CADM2: variants seen among roughly 807,000 people sequenced by gnomAD.
The protein encoded by CADM2 is immunoglobulin superfamily member 4D.
CADM2 carries 12 observed loss-of-function variants against 49.8 expected under a neutral mutation model. The observed-to-expected ratio is 0.24, with a 90% CI of 0.15 to 0.39. The LOEUF (loss-of-function observed/expected upper bound fraction) is 0.39, where lower values mean the gene tolerates loss of function less well. CADM2 is among the 10% of genes least tolerant of loss of function. CADM2 has a pLI of 1.00. For synonymous variants in CADM2, 214 were observed against 175.4 expected (o/e 1.22, Z -1.74); for missense variants, 378 against 492.3 (o/e 0.77, Z 2.20).
intron 3 of CADM2, among the ~76,000 whole-genome samples, chr3:85,870,851 A>G (rs571444525): frequency 8.5e-5 from 13 of 152,278 alleles, no homozygotes; most frequent in African/African-American, 3.1e-4. Context: ...GATTGAACTA[A>G]TTCACACTCT....
At position 85,726,569 on chromosome 3, in the gene CADM2, C is replaced by A. The variant is rs2067704135; in HGVS notation, c.88+21C>A. The A allele has an allele frequency of 1.9e-6, 3 of 1,582,356 alleles. No individual in the cohort carries two copies. In the Admixed American group the frequency reaches 5.0e-5, roughly 26 times the overall value. On this transcript the variant is annotated intron_variant, in intron 2 of 9. Coordinates refer to ENST00000383699, the MANE Select transcript of CADM2 (RefSeq NM_001167675.2). ...TAAAGGTGAGCTCCTGTTTATTCTG[C>A]ATGAGTCATCATCATTCATTTTTCT...
chr3:85,268,001 T>C (rs1396555650), intron 1 of CADM2, among the ~76,000 whole-genome samples: 8 of 149,484 alleles, frequency 5.4e-5, no homozygotes, highest in African/African-American at 2.0e-4. Context: ...TTGGAGTGTG[T>C]GACTAGTAAA....
At chr3:85,443,921 G>T (rs72907279) in intron 1 of CADM2, among the ~76,000 whole-genome samples, 1 of 151,894 alleles carries the variant, frequency 6.6e-6, no homozygotes, top group Admixed American at 6.6e-5. Context: ...TGTTAGATAG[G>T]TATCTCAGAT....
At chr3:85,383,476 G>A (rs2034014070) in intron 1 of CADM2, among the ~76,000 whole-genome samples, 2 of 139,094 alleles carry the variant, frequency 1.4e-5, no homozygotes, top group Admixed American at 7.1e-5. Context: ...GTGGAAAAAA[G>A]TTAATATAAT....
At chr3:85,418,674 A>G (rs1309199750) in intron 1 of CADM2, among the ~76,000 whole-genome samples, 5 of 152,170 alleles carry the variant, frequency 3.3e-5, no homozygotes, top group Non-Finnish European at 7.3e-5. Flanking sequence ...CAAAAAGTTG[A>G]ATAATTCTTG....
At chr3:85,285,482 C>T (rs937766845) in intron 1 of CADM2, among the ~76,000 whole-genome samples, 3 of 152,038 alleles carry the variant, frequency 2.0e-5, no homozygotes, top group Non-Finnish European at 2.9e-5. Context: ...GAGTTAGAAA[C>T]TAACATGCAA....
chr3:85,138,092 G>T (rs528009055), intron 1 of CADM2, among the ~76,000 whole-genome samples: 1 of 152,054 alleles, frequency 6.6e-6, no homozygotes, highest in Non-Finnish European at 1.5e-5. Context: ...GGACAGAGTC[G>T]ATTTTGGTTA....
At chr3:85,636,262 G>A (rs920615949) in intron 1 of CADM2, among the ~76,000 whole-genome samples, 4 of 152,106 alleles carry the variant, frequency 2.6e-5, no homozygotes, top group African/African-American at 9.7e-5. Flanking sequence ...CAATGACACT[G>A]ATGATCCTGA....
chr3:86,040,682 C>T (rs1432330531), intron 8 of CADM2, among the ~76,000 whole-genome samples: 1 of 152,134 alleles, frequency 6.6e-6, no homozygotes, highest in Non-Finnish European at 1.5e-5. Context: ...AGGAGAACTT[C>T]CCCAATCTAG....
chr3:85,448,521 T>A (rs2037584014), intron 1 of CADM2, among the ~76,000 whole-genome samples: 1 of 152,110 alleles, frequency 6.6e-6, no homozygotes, highest in African/African-American at 2.4e-5. Flanking sequence ...AATACGGCAC[T>A]GTGGCGGTAT....
intron 8 of CADM2, among the ~76,000 whole-genome samples, chr3:86,048,278 C>T (rs1327923189): frequency 1.3e-5 from 2 of 151,556 alleles, no homozygotes; most frequent in African/African-American, 4.8e-5. Flanking sequence ...ATATGTACAG[C>T]CTTTTGAAAG....
chr3:85,786,836 G>C (rs574881121), intron 2 of CADM2, among the ~76,000 whole-genome samples: 1 of 152,042 alleles, frequency 6.6e-6, no homozygotes, highest in African/African-American at 2.4e-5. Flanking sequence ...AAAAACTCTG[G>C]TTTTGGAAAA....
intron 1 of CADM2, among the ~76,000 whole-genome samples, chr3:85,335,341 AT>A (rs1255995549): frequency 1.3e-5 from 2 of 151,408 alleles, no homozygotes; most frequent in African/African-American, 2.4e-5. Context: ...TAAACACTTT[AT>A]TTGATTTTAA....
At chr3:85,398,946 G>A (rs1181664383) in intron 1 of CADM2, among the ~76,000 whole-genome samples, 2 of 152,146 alleles carry the variant, frequency 1.3e-5, no homozygotes, top group Non-Finnish European at 2.9e-5. Flanking sequence ...CTCCCATTCT[G>A]TAGACTGCCT....
intron 1 of CADM2, among the ~76,000 whole-genome samples, chr3:85,315,503 A>T (rs9990317): frequency 1.1e-3 from 172 of 151,976 alleles, no homozygotes; most frequent in African/African-American, 3.9e-3. Context: ...GTTTAAGCAT[A>T]AAAAAAACTG....
chr3:85,001,503 T>C (rs2033461113), intron 1 of CADM2, among the ~76,000 whole-genome samples: 1 of 152,078 alleles, frequency 6.6e-6, no homozygotes, highest in African/African-American at 2.4e-5. Flanking sequence ...CAACAAAATC[T>C]TTTTTAAAAA....
chr3:85,653,682 A>C (rs560032829), intron 1 of CADM2, among the ~76,000 whole-genome samples: 1 of 152,136 alleles, frequency 6.6e-6, no homozygotes, highest in Non-Finnish European at 1.5e-5. Flanking sequence ...TGGAGATATA[A>C]ATTTGGAAAG....
At position 85,003,002 on chromosome 3, in the gene CADM2, C is replaced by A. The variant is rs546657832; in HGVS notation, c.61+43334C>A. On this transcript the variant is annotated intron_variant, in intron 1 of 9. Coordinates refer to ENST00000383699, the MANE Select transcript of CADM2 (RefSeq NM_001167675.2). ...TAGAGATGGGGGTCTCTGTTTCCTG[C>A]CCAGGCTTGTCTCAAACTCCTGGCC... 2.0e-5 allele frequency among the ~76,000 whole-genome samples: 3 copies of A among 152,090 alleles called. No individual in the cohort carries two copies. In the East Asian group the frequency reaches 5.8e-4, roughly 29 times the overall value.
chr3:85,816,119 G>A (rs11708024), intron 3 of CADM2, among the ~76,000 whole-genome samples: 38,289 of 151,484 alleles, frequency 0.25, 5,637 homozygotes, highest in East Asian at 0.47. Flanking sequence ...AACTTTTACC[G>A]TTTTTCCTGT....
Sources: allele counts gnomAD v4.1 joint callset (sites outside exome capture counted in the v4.1 genomes callset), GRCh38; gene constraint gnomAD v4.1.1; transcripts MANE v1.5; gene names NCBI Gene and HGNC (gene_info 2026-07-23, HGNC 2026-07-21).